The following SSPN variants were observed in gnomAD, a reference collection of about 807,000 sequenced individuals.
The protein encoded by SSPN is K-ras oncogene-associated protein.
A neutral mutation model predicts 19.1 loss-of-function variants in SSPN; 15 were observed. The ratio of observed to expected loss-of-function variants is 0.78; its 90% CI spans 0.52 to 1.21. The LOEUF (loss-of-function observed/expected upper bound fraction) is 1.21. Ranked by LOEUF, SSPN falls within the 50% of genes most tolerant of loss-of-function variation. The pLI is 0.00. For missense variants in SSPN, 291 were observed against 314.0 expected (o/e 0.93, Z 0.55); for synonymous variants, 147 against 140.3 (o/e 1.05, Z -0.34).
chr12:26,133,786 C>T (rs1944409476), intron 1 of SSPN, among the ~76,000 whole-genome samples: 1 of 152,026 alleles, frequency 6.6e-6, no homozygotes, highest in Admixed American at 6.5e-5. Context: ...ACAAGGGCCT[C>T]TCAAAGGCAG....
At chr12:26,150,992 G>A (rs1028751381) in intron 1 of SSPN, among the ~76,000 whole-genome samples, 2 of 152,206 alleles carry the variant, frequency 1.3e-5, no homozygotes, top group African/African-American at 4.8e-5. Flanking sequence ...ATGACTTGCT[G>A]TAACAATCAT....
upstream of SSPN, among the ~76,000 whole-genome samples, chr12:26,194,402 C>A (rs115517901): frequency 0.011 from 1,636 of 152,318 alleles, 28 homozygotes; most frequent in African/African-American, 0.036. Context: ...TGAGTGAAGA[C>A]TAACTAGGAG....
chr12:26,148,595 T>G (rs1944507166), intron 1 of SSPN, among the ~76,000 whole-genome samples: 1 of 152,206 alleles, frequency 6.6e-6, no homozygotes, highest in Non-Finnish European at 1.5e-5. Context: ...TCTTGCATTC[T>G]ATAATATTTT....
At chr12:26,137,872 G>T (rs906416989) in intron 1 of SSPN, among the ~76,000 whole-genome samples, 5 of 150,966 alleles carry the variant, frequency 3.3e-5, no homozygotes, top group African/African-American at 1.2e-4. Flanking sequence ...CACCCTGTTG[G>T]CCAGGCTGGT....
intron 1 of SSPN, among the ~76,000 whole-genome samples, chr12:26,169,947 C>T (rs965665266): frequency 2.6e-5 from 4 of 152,170 alleles, no homozygotes; most frequent in Non-Finnish European, 5.9e-5. Context: ...CCTCCTCCCA[C>T]GGATTTGACC....
chr12:26,167,684 A>G lies in SSPN; in HGVS notation c.-31+45532A>G, dbSNP rs1270427411. Among the ~76,000 whole-genome samples the G allele has an allele frequency of 2.6e-5, 4 of 152,204 alleles. No individual in the cohort carries two copies. The South Asian group carries it at 6.2e-4, about 24-fold the overall frequency. On this transcript the variant is annotated intron_variant, in intron 1 of 2. Transcript: ENST00000538142. ...TCTCTCTCTCTCTGAAGAGATTTAA[A>G]TGGTATTCCATGTCCTTCATGTGAC... is the stretch of plus-strand genomic sequence containing the variant.
At chr12:26,210,791 A>G (rs1944977371) in intron 1 of SSPN, among the ~76,000 whole-genome samples, 1 of 152,134 alleles carries the variant, frequency 6.6e-6, no homozygotes, top group Non-Finnish European at 1.5e-5. Context: ...ATAGGGAGAG[A>G]GTTTTCCTAT....
chr12:26,218,335 G>A (rs1945080447), intron 1 of SSPN, among the ~76,000 whole-genome samples: 1 of 12,822 alleles, frequency 7.8e-5, no homozygotes. Context: ...GGGGAGGGGG[G>A]AGGGGGGAGG....
At chr12:26,178,426 G>A (rs1944698318) in intron 1 of SSPN, among the ~76,000 whole-genome samples, 1 of 152,050 alleles carries the variant, frequency 6.6e-6, no homozygotes, top group Non-Finnish European at 1.5e-5. Flanking sequence ...TCATTATAGG[G>A]ATGGAAATCT....
chr12:26,188,957 G>A (rs902033076), intron 1 of SSPN, among the ~76,000 whole-genome samples: 2 of 152,162 alleles, frequency 1.3e-5, no homozygotes, highest in African/African-American at 2.4e-5. Flanking sequence ...AAGTCATTCA[G>A]CTAAGATAAA....
chr12:26,122,389 G>C (rs1173442692), intron 1 of SSPN: 1 of 1,251,114 alleles, frequency 8.0e-7, no homozygotes, highest in African/African-American at 1.6e-5. Flanking sequence ...GCCGGGTACA[G>C]ATACTTCTCC....
chr12:26,198,168 G>A (rs866893043), intron 1 of SSPN, among the ~76,000 whole-genome samples: 39 of 148,926 alleles, frequency 2.6e-4, no homozygotes, highest in East Asian at 1.2e-3. Context: ...TTGAGTTTTG[G>A]GGGGGGGTTT....
intron 1 of SSPN, among the ~76,000 whole-genome samples, chr12:26,139,071 T>C (rs983768676): frequency 7.2e-5 from 11 of 152,198 alleles, no homozygotes; most frequent in African/African-American, 2.4e-4. Flanking sequence ...TGTGTGCCTG[T>C]GTGCATGTGT....
intron 1 of SSPN, among the ~76,000 whole-genome samples, chr12:26,127,672 T>C (rs1202180511): frequency 6.6e-6 from 1 of 152,224 alleles, no homozygotes; most frequent in African/African-American, 2.4e-5. Flanking sequence ...TCTGTCTACC[T>C]TTTCCCTGTT....
At chr12:26,167,697 T>C (rs1591858733) in intron 1 of SSPN, among the ~76,000 whole-genome samples, 1 of 152,250 alleles carries the variant, frequency 6.6e-6, no homozygotes, top group East Asian at 1.9e-4. Flanking sequence ...GTATTCCATG[T>C]CCTTCATGTG....
chr12:26,184,657 T>C (rs1338008049), intron 1 of SSPN, among the ~76,000 whole-genome samples: 1 of 152,232 alleles, frequency 6.6e-6, no homozygotes, highest in Non-Finnish European at 1.5e-5. Flanking sequence ...TTTAGTGGTC[T>C]ATATAGTCAA....
At chr12:26,202,175 G>A (rs1174565519) in intron 1 of SSPN, among the ~76,000 whole-genome samples, 1 of 152,092 alleles carries the variant, frequency 6.6e-6, no homozygotes, top group African/African-American at 2.4e-5. Flanking sequence ...ACATGAAAAG[G>A]TCTGTACATG....
upstream of SSPN, among the ~76,000 whole-genome samples, chr12:26,192,419 C>T (rs868045586): frequency 3.9e-5 from 6 of 151,976 alleles, no homozygotes; most frequent in East Asian, 1.9e-4. Flanking sequence ...ATGAGCTAGA[C>T]GTGATGATTT....
At chr12:26,131,595 A>G (rs1431851207) in intron 1 of SSPN, among the ~76,000 whole-genome samples, 3 of 152,240 alleles carry the variant, frequency 2.0e-5, no homozygotes, top group African/African-American at 7.2e-5. Context: ...GGGCTATGCT[A>G]TCCAGTTGGG....
Sources: allele counts gnomAD v4.1 joint callset (sites outside exome capture counted in the v4.1 genomes callset), GRCh38; gene constraint gnomAD v4.1.1; transcripts MANE v1.5; gene names NCBI Gene and HGNC (gene_info 2026-07-23, HGNC 2026-07-21).